The following EPHA6 variants were observed in gnomAD, a reference collection of about 807,000 sequenced individuals.
EPHA6 encodes the protein ephrin type-A receptor 6.
Under a neutral mutation model 112.0 loss-of-function variants are expected in EPHA6, and 50 were observed. That is an observed-to-expected ratio of 0.45 (90% CI 0.36 to 0.56). The LOEUF (loss-of-function observed/expected upper bound fraction) is 0.56, where lower values mean the gene tolerates loss of function less well. Among genes scored for constraint, EPHA6 ranks in the 20% least tolerant of loss-of-function variants. EPHA6 has a pLI of 0.00. For synonymous variants in EPHA6, 529 were observed against 490.7 expected (o/e 1.08, Z -1.03); for missense variants, 1,280 against 1,417.4 (o/e 0.90, Z 1.56).
chr3:97,359,573 TTTG>T (rs2084261440), intron 5 of EPHA6, among the ~76,000 whole-genome samples: 2 of 152,038 alleles, frequency 1.3e-5, no homozygotes, highest in Admixed American at 6.6e-5. Flanking sequence ...AGGGACAGTT[TTTG>T]TTGTTGTTTT....
Position 96,832,298 on chromosome 3 carries a change from G to A in EPHA6, c.385+17290G>A, listed in dbSNP as rs138622015. On this transcript the variant is annotated intron_variant, in intron 1 of 17. Transcript: ENST00000389672. The stretch of plus-strand genomic sequence containing the variant: ...ACAGTTCAGCCTAGGATGGTTAGGT[G>A]TAATTTTACTACTACCATCGATAGA... 3.6e-3 allele frequency among the ~76,000 whole-genome samples: 555 copies of A among 152,110 alleles called. 4 individuals are homozygous for A. The highest frequency in any genetic ancestry group is 0.013 in the African/African-American group (530 of 41,518).
chr3:96,943,599 G>C (rs76745439), intron 2 of EPHA6, among the ~76,000 whole-genome samples: 1 of 152,320 alleles, frequency 6.6e-6, no homozygotes, highest in African/African-American at 2.4e-5. Context: ...AAAAACATAA[G>C]CAGTTAACAG....
chr3:97,604,356 A>T (rs568596871), intron 12 of EPHA6, among the ~76,000 whole-genome samples: 10 of 151,732 alleles, frequency 6.6e-5, no homozygotes, highest in Non-Finnish European at 1.2e-4. Flanking sequence ...TTTGCCTGGG[A>T]CACAAGAATT....
At chr3:97,567,212 G>A (rs1468478497) in intron 11 of EPHA6, among the ~76,000 whole-genome samples, 1 of 152,136 alleles carries the variant, frequency 6.6e-6, no homozygotes, top group African/African-American at 2.4e-5. Context: ...GCCTTTCTGA[G>A]TCTATTTTCC....
chr3:97,254,453 G>A (rs1332936957), intron 5 of EPHA6, among the ~76,000 whole-genome samples: 1 of 152,172 alleles, frequency 6.6e-6, no homozygotes, highest in Non-Finnish European at 1.5e-5. Flanking sequence ...CTCCCAAAGT[G>A]CTGGGATTAC....
intron 1 of EPHA6, among the ~76,000 whole-genome samples, chr3:96,822,845 A>G (rs1290066017): frequency 6.6e-6 from 1 of 151,358 alleles, no homozygotes; most frequent in African/African-American, 2.4e-5. Flanking sequence ...TAGGTAGTGT[A>G]TAGAGTATAA....
At position 97,343,787 on chromosome 3, in the gene EPHA6, G is replaced by A. The variant is rs561118419; in HGVS notation, c.1607-61363G>A. On this transcript the variant is annotated intron_variant, in intron 5 of 17. Transcript: ENST00000389672. ...AGATCATCAGGGACACCACCTGGGT[G>A]TCAAGAGGGCAGGGTTGGGACATAG... Among the ~76,000 whole-genome samples, 8 of 152,318 alleles carry A rather than the reference G, an allele frequency of 5.3e-5. No homozygotes were observed. In the East Asian group the frequency reaches 1.5e-3, roughly 29 times the overall value.
chr3:97,571,840 C>G (rs2093335412), intron 11 of EPHA6, among the ~76,000 whole-genome samples: 1 of 152,298 alleles, frequency 6.6e-6, no homozygotes, highest in South Asian at 2.1e-4. Flanking sequence ...AAGCTTGCAG[C>G]ATTTATAAAC....
In EPHA6 at chr3:97,459,844, G is replaced by A. The variant is rs1230583080; in HGVS notation, c.1894+11114G>A. Among the ~76,000 whole-genome samples, 3 of 152,222 alleles carry A rather than the reference G, an allele frequency of 2.0e-5. No individual in the cohort carries two copies. In the East Asian group the frequency reaches 5.8e-4, roughly 29 times the overall value. On this transcript the variant is annotated intron_variant, in intron 7 of 17. Transcript: ENST00000389672. The stretch of plus-strand genomic sequence containing the variant: ...ATCATCAATTTAAATTCTAATACAT[G>A]CTTGCTCTCTGCCAGCATTTAAGCC...
Position 96,978,193 on chromosome 3 carries a change from A to C in EPHA6, c.451-9137A>C, listed in dbSNP as rs977550874. 2.9e-4 allele frequency among the ~76,000 whole-genome samples: 44 copies of C among 152,222 alleles called. 1 individual carries two copies. Among genetic ancestry groups the C allele is most frequent in the African/African-American group, 8.2e-4 (34 of 41,552 alleles). On this transcript the variant is annotated intron_variant, in intron 2 of 17. Coordinates refer to ENST00000389672, the MANE Select transcript of EPHA6 (RefSeq NM_001080448.3). ...AAAAGAAAATCATAAGGAAGAGAAA[A>C]TATATTGACTATTCATTAAATGGAA...
chr3:97,025,778 G>GTTGACCA (rs2044616751), intron 3 of EPHA6, among the ~76,000 whole-genome samples: 1 of 151,926 alleles, frequency 6.6e-6, no homozygotes, highest in Non-Finnish European at 1.5e-5. Context: ...TAGTAGAGAT[G>GTTGACCA]GGGTTTCACT....
intron 2 of EPHA6, among the ~76,000 whole-genome samples, chr3:96,914,821 T>C (rs2107612221): frequency 6.6e-6 from 1 of 152,094 alleles, no homozygotes; most frequent in South Asian, 2.1e-4. Context: ...AAAAGTGTGT[T>C]GAAGAAAATA....
intron 2 of EPHA6, among the ~76,000 whole-genome samples, chr3:96,926,961 A>G (rs2040068537): frequency 6.6e-6 from 1 of 152,170 alleles, no homozygotes; most frequent in African/African-American, 2.4e-5. Context: ...TCAACCCCAC[A>G]TTTTCCTACT....
intron 3 of EPHA6, among the ~76,000 whole-genome samples, chr3:97,160,322 A>C (rs950413321): frequency 2.6e-5 from 4 of 152,120 alleles, no homozygotes; most frequent in African/African-American, 7.2e-5. Flanking sequence ...TCTGTCACCC[A>C]GTGCAGTGCA....
chr3:97,737,716 C>A (rs1410677878), intron 16 of EPHA6, among the ~76,000 whole-genome samples: 1 of 151,922 alleles, frequency 6.6e-6, no homozygotes, highest in Non-Finnish European at 1.5e-5. Flanking sequence ...GTAAAAAGAT[C>A]TGGACTAGAG....
At chr3:96,952,889 A>G (rs997079841) in intron 2 of EPHA6, among the ~76,000 whole-genome samples, 1 of 152,104 alleles carries the variant, frequency 6.6e-6, no homozygotes, top group Non-Finnish European at 1.5e-5. Flanking sequence ...GAGGGAGAGG[A>G]TTAGGAAAAA....
intron 11 of EPHA6, among the ~76,000 whole-genome samples, chr3:97,543,518 T>G (rs1358722654): frequency 1.3e-5 from 2 of 152,310 alleles, no homozygotes; most frequent in East Asian, 3.9e-4. Flanking sequence ...TAGTTTGAAG[T>G]CAGGTAGCGT....
chr3:97,566,017 T>C (rs1577799559), intron 11 of EPHA6, among the ~76,000 whole-genome samples: 1 of 87,600 alleles, frequency 1.1e-5, no homozygotes, highest in Non-Finnish European at 2.1e-5. Context: ...AGACACCGTC[T>C]CAAAAAAAAA....
At chr3:96,936,568 C>G (rs2040593778) in intron 2 of EPHA6, among the ~76,000 whole-genome samples, 1 of 150,794 alleles carries the variant, frequency 6.6e-6, no homozygotes, top group Non-Finnish European at 1.5e-5. Flanking sequence ...TAATATTGCT[C>G]TTGGGTTTTT....
Sources: gnomAD v4.1 joint callset for allele counts (sites outside exome capture counted in the v4.1 genomes callset) on GRCh38, gnomAD v4.1.1 for gene constraint, MANE v1.5 for transcripts, NCBI Gene and HGNC (gene_info 2026-07-23, HGNC 2026-07-21) for gene names.